Variants in GABRG3 observed in about 807,000 individuals in gnomAD.
GABRG3 encodes the protein gamma-aminobutyric acid receptor subunit gamma-3.
GABRG3 carries 25 observed loss-of-function variants against 48.8 expected under a neutral mutation model. The observed-to-expected ratio is 0.51, with a 90% confidence interval of 0.37 to 0.72. The LOEUF (loss-of-function observed/expected upper bound fraction) is 0.72, where lower values mean the gene tolerates loss of function less well. Among genes scored for constraint, GABRG3 ranks in the 30% least tolerant of loss-of-function variants. The probability of loss-of-function intolerance (pLI) is 0.00; values close to 1 mark genes in which losing one functional copy is unlikely to be tolerated. For synonymous variants in GABRG3, 227 were observed against 217.6 expected, an observed-to-expected ratio of 1.04 and a Z score of -0.38; for missense variants, 394 against 577.9, an observed-to-expected ratio of 0.68 and a Z score of 3.26.
intron 3 of GABRG3, chr15:27,280,535 T>A (rs527403824): frequency 5.9e-5 from 9 of 152,242 alleles, no homozygotes; most frequent in Admixed American, 2.6e-4. Context: ...ATGTTTTATA[T>A]TTATTTTCAT....
chr15:27,299,075 G>C (rs959377040), intron 3 of GABRG3, among the ~76,000 whole-genome samples: 1 of 152,188 alleles, frequency 6.6e-6, no homozygotes, highest in Non-Finnish European at 1.5e-5. Context: ...CCTGAGGTCA[G>C]GGGTTCGAGA....
intron 3 of GABRG3, among the ~76,000 whole-genome samples, chr15:27,082,583 C>A (rs1897009792): frequency 6.6e-6 from 1 of 152,166 alleles, no homozygotes; most frequent in African/African-American, 2.4e-5. Context: ...CTGCGTCCCA[C>A]CCCCACAACT....
In GABRG3 at chr15:27,531,993, A is replaced by T. The variant is rs563014560; in HGVS notation, c.1123-607A>T. On this transcript the variant is annotated intron_variant, in intron 9 of 9. Transcript: ENST00000615808. Reference sequence around the variant, plus strand: ...ACACTGAAAGCTCACTGTCACCAGAATCACATGGGACATGAGGATCCTCTC... The same window carrying T: ...ACACTGAAAGCTCACTGTCACCAGATTCACATGGGACATGAGGATCCTCTC... 5.3e-5 allele frequency among the ~76,000 whole-genome samples: 8 copies of T among 152,314 alleles called. No homozygotes were observed. The South Asian group carries it at 1.4e-3, about 28-fold the overall frequency.
intron 5 of GABRG3, among the ~76,000 whole-genome samples, chr15:27,425,282 C>G (rs1336563684): frequency 6.6e-6 from 1 of 151,914 alleles, no homozygotes. Flanking sequence ...AGTTCTGAGT[C>G]CTTCTAGTGA....
At position 27,236,586 on chromosome 15, in the gene GABRG3, G is replaced by A. The variant is rs181969397; in HGVS notation, c.271-90223G>A. On this transcript the variant is annotated intron_variant, in intron 3 of 9. Coordinates refer to ENST00000615808, the MANE Select transcript of GABRG3 (RefSeq NM_033223.5). This position sits in a 1 kb window ranked among gnomAD's most constrained non-coding sequence, Gnocchi z 4.4. ...TCACCTGAGGCCAGGATCAGACTCCGCCTCCCTCTTTACAGCCTCAGCGTG... is the reference window on the plus strand; with the variant it reads ...TCACCTGAGGCCAGGATCAGACTCCACCTCCCTCTTTACAGCCTCAGCGTG... Among the ~76,000 whole-genome samples the A allele has an allele frequency of 8.5e-5, 13 of 152,076 alleles. No individual in the cohort carries two copies. Among genetic ancestry groups the A allele is most frequent in the South Asian group, 4.2e-4 (2 of 4,816 alleles).
intron 5 of GABRG3, among the ~76,000 whole-genome samples, chr15:27,446,658 GTTTTC>G (rs1888954986): frequency 6.6e-6 from 1 of 151,994 alleles, no homozygotes; most frequent in South Asian, 2.1e-4. Flanking sequence ...AACTGGAATT[GTTTTC>G]TTAATTTTAT....
rs1367804870 is a variant in GABRG3 at position 26,976,184 on chromosome 15, C to A, written c.54-818C>A. 1.3e-5 allele frequency among the ~76,000 whole-genome samples: 2 copies of A among 152,020 alleles called. No individual in the cohort carries two copies. Among genetic ancestry groups the A allele is most frequent in the African/African-American group, 2.4e-5 (1 of 41,384 alleles). The stretch of plus-strand genomic sequence containing the variant: ...GGCCTCTCCATTCAGGCACTCCTGT[C>A]AGTGTGTGTCACACGGGAGAGGAGG... On this transcript the variant is annotated intron_variant, in intron 1 of 9. Coordinates refer to ENST00000615808, the MANE Select transcript of GABRG3 (RefSeq NM_033223.5). The surrounding 1 kb of genome is among the most constrained non-coding windows in gnomAD (Gnocchi z 7.8).
chr15:27,149,747 CA>C (rs908911629), intron 3 of GABRG3, among the ~76,000 whole-genome samples: 2 of 152,154 alleles, frequency 1.3e-5, no homozygotes, highest in African/African-American at 4.8e-5. Flanking sequence ...ACAATCCTGC[CA>C]AAACCTTGAT....
Position 27,472,475 on chromosome 15 carries a change from C to T in GABRG3, c.575-8175C>T, listed in dbSNP as rs187134023. On this transcript the variant is annotated intron_variant, in intron 5 of 9. Coordinates refer to ENST00000615808, the MANE Select transcript of GABRG3 (RefSeq NM_033223.5). Reference sequence around the variant, plus strand: ...ATTTTTAGTGGAGATGGTGTTTCACCATGTTGGCCAGGCTGGTCTTGAACT... The same window carrying T: ...ATTTTTAGTGGAGATGGTGTTTCACTATGTTGGCCAGGCTGGTCTTGAACT... Among the ~76,000 whole-genome samples, 220 of 152,172 alleles carry T rather than the reference C, an allele frequency of 1.4e-3. 1 individual carries two copies. Among genetic ancestry groups the T allele is most frequent in the Non-Finnish European group, 1.5e-3 (99 of 67,998 alleles).
intron 3 of GABRG3, among the ~76,000 whole-genome samples, chr15:27,256,339 G>C (rs1445369276): frequency 2.0e-5 from 3 of 152,010 alleles, no homozygotes; most frequent in Non-Finnish European, 2.9e-5. Flanking sequence ...TACTTGGGAG[G>C]CTGAGGCAGG....
chr15:27,488,431 G>A (rs1374886889), intron 6 of GABRG3, among the ~76,000 whole-genome samples: 4 of 152,144 alleles, frequency 2.6e-5, no homozygotes, highest in African/African-American at 9.7e-5. Flanking sequence ...GCACTCATAA[G>A]GTCTGTCATC....
At chr15:27,309,062 A>G (rs1236439862) in intron 3 of GABRG3, among the ~76,000 whole-genome samples, 3 of 150,784 alleles carry the variant, frequency 2.0e-5, no homozygotes, top group South Asian at 2.1e-4. Flanking sequence ...AGAAACACAT[A>G]TAATGTAAAC....
intron 5 of GABRG3, among the ~76,000 whole-genome samples, chr15:27,377,172 G>A (rs2140560769): frequency 6.6e-6 from 1 of 152,270 alleles, no homozygotes; most frequent in Non-Finnish European, 1.5e-5. Flanking sequence ...ATCTCCATCT[G>A]AAACCACCTC....
chr15:26,978,105 TTTTA>T (rs1008640462), intron 2 of GABRG3, among the ~76,000 whole-genome samples: 3 of 152,122 alleles, frequency 2.0e-5, no homozygotes, highest in Non-Finnish European at 2.9e-5. Context: ...TCTTCTTTTA[TTTTA>T]TTTATTTATT....
At chr15:27,299,552 G>A (rs1167357849) in intron 3 of GABRG3, among the ~76,000 whole-genome samples, 2 of 152,104 alleles carry the variant, frequency 1.3e-5, no homozygotes, top group Non-Finnish European at 2.9e-5. Flanking sequence ...TTCTGGATGG[G>A]GAGTTGGAAC....
intron 3 of GABRG3, among the ~76,000 whole-genome samples, chr15:27,305,433 C>G (rs1193703200): frequency 6.7e-6 from 1 of 149,644 alleles, no homozygotes; most frequent in African/African-American, 2.4e-5. Context: ...AACATGTCAA[C>G]ATGTAAATTC....
rs1470331637 is a variant in GABRG3, at chr15:27,352,546, A to G, written c.574+23658A>G. 1.3e-5 allele frequency among the ~76,000 whole-genome samples: 2 copies of G among 152,042 alleles called. No individual in the cohort carries two copies. The highest frequency in any genetic ancestry group is 2.4e-5 in the African/African-American group (1 of 41,384). ...GGCCGGCAGTGTGTCTGGATGAGGA[A>G]CTGTGCCGCCTGCTGTTCAGGTGCT... On this transcript the variant is annotated intron_variant, in intron 5 of 9. Coordinates refer to ENST00000615808, the MANE Select transcript of GABRG3 (RefSeq NM_033223.5). This position sits in a 1 kb window ranked among gnomAD's most constrained non-coding sequence, Gnocchi z 4.0.
intron 3 of GABRG3, among the ~76,000 whole-genome samples, chr15:27,239,507 C>T (rs1022372367): frequency 8.5e-5 from 13 of 152,138 alleles, no homozygotes; most frequent in African/African-American, 3.1e-4. Flanking sequence ...TAGCCTTGTA[C>T]CTCTGAACAT....
chr15:27,306,854 CATACA>C (rs1566769214), intron 3 of GABRG3, among the ~76,000 whole-genome samples: 42 of 79,122 alleles, frequency 5.3e-4, no homozygotes, highest in African/African-American at 2.7e-3. Context: ...TATATATAAA[CATACA>C]ATATAAACAT....
Sources: allele counts gnomAD v4.1 joint callset (sites outside exome capture counted in the v4.1 genomes callset), GRCh38; gene constraint gnomAD v4.1.1; non-coding constraint Gnocchi (gnomAD v3.1); transcripts MANE v1.5; gene names NCBI Gene and HGNC (gene_info 2026-07-23, HGNC 2026-07-21).